Variants in PPP3CA observed in about 807,000 individuals in gnomAD.
PPP3CA encodes protein phosphatase 3 catalytic subunit alpha.
In PPP3CA, 14 loss-of-function variants were observed where a neutral mutation model predicts 66.5. The ratio of observed to expected loss-of-function variants is 0.21; its 90% CI spans 0.14 to 0.33. The LOEUF is 0.33. Among genes scored for constraint, PPP3CA ranks in the 10% least tolerant of loss-of-function variants. The pLI is 1.00. For synonymous variants in PPP3CA, 232 were observed against 226.2 expected (o/e 1.03, Z -0.23); for missense variants, 317 against 639.5 (o/e 0.50, Z 5.44).
chr4:101,141,134 C>A (rs1384346930), intron 2 of PPP3CA, among the ~76,000 whole-genome samples: 1 of 152,114 alleles, frequency 6.6e-6, no homozygotes, highest in Admixed American at 6.5e-5. Flanking sequence ...CCTTGGGAGG[C>A]CGAGGTGGGT....
chr4:101,323,856 C>T (rs1334001491), intron 1 of PPP3CA, among the ~76,000 whole-genome samples: 1 of 152,068 alleles, frequency 6.6e-6, no homozygotes, highest in Non-Finnish European at 1.5e-5. Context: ...GCTCATGCCT[C>T]CCAGCACTTT....
At chr4:101,176,711 C>A (rs1232294227) in intron 2 of PPP3CA, among the ~76,000 whole-genome samples, 1 of 152,036 alleles carries the variant, frequency 6.6e-6, no homozygotes, top group African/African-American at 2.4e-5. Flanking sequence ...TGAGAACAAT[C>A]AAGATAGAGA....
At chr4:101,062,945 C>T (rs1443458011) in intron 9 of PPP3CA, among the ~76,000 whole-genome samples, 1 of 151,594 alleles carries the variant, frequency 6.6e-6, no homozygotes, top group Non-Finnish European at 1.5e-5. Flanking sequence ...CCAGGTAAAC[C>T]TGTATTTCCA....
At position 101,342,393 on chromosome 4, in the gene PPP3CA, T is replaced by C. The variant is rs150724484; in HGVS notation, c.58+4346A>G. ...AATTTACTGAATGTTTTTACAACAA[T>C]GCACTTGTGTTATATTCACTTTATA... is the stretch of plus-strand genomic sequence containing the variant. On this transcript the variant is annotated intron_variant, in intron 1 of 13. Transcript: ENST00000394854. 7.4e-3 allele frequency among the ~76,000 whole-genome samples: 1,124 copies of C among 152,296 alleles called. 9 individuals are homozygous for C. Among genetic ancestry groups the C allele is most frequent in the Non-Finnish European group, 0.013 (866 of 68,008 alleles).
chr4:101,108,449 T>A (rs1721519192), intron 3 of PPP3CA, among the ~76,000 whole-genome samples: 1 of 152,196 alleles, frequency 6.6e-6, no homozygotes, highest in African/African-American at 2.4e-5. Flanking sequence ...CTATTTACCA[T>A]TTTTTGGCAT....
At chr4:101,266,506 T>TA (rs1337039379) in intron 1 of PPP3CA, among the ~76,000 whole-genome samples, 9 of 152,326 alleles carry the variant, frequency 5.9e-5, no homozygotes, top group African/African-American at 2.2e-4. Flanking sequence ...CTTTCTCATT[T>TA]AAAATCACAG....
At chr4:101,323,324 G>C (rs1729099723) in intron 1 of PPP3CA, among the ~76,000 whole-genome samples, 1 of 152,140 alleles carries the variant, frequency 6.6e-6, no homozygotes. Flanking sequence ...TAGGGCTTTG[G>C]GGAAGGCAAT....
At chr4:101,247,960 G>A (rs1168604536) in intron 1 of PPP3CA, among the ~76,000 whole-genome samples, 2 of 152,018 alleles carry the variant, frequency 1.3e-5, no homozygotes, top group Non-Finnish European at 2.9e-5. Context: ...ACATATATGA[G>A]AAAGAGAGAG....
chr4:101,258,467 G>C (rs560282397), intron 1 of PPP3CA, among the ~76,000 whole-genome samples: 7 of 152,168 alleles, frequency 4.6e-5, no homozygotes, highest in African/African-American at 1.7e-4. Context: ...ATCTCTCAAT[G>C]TTTTAGACAC....
At chr4:101,297,767 G>T (rs1402501802) in intron 1 of PPP3CA, among the ~76,000 whole-genome samples, 1 of 152,152 alleles carries the variant, frequency 6.6e-6, no homozygotes, top group Non-Finnish European at 1.5e-5. Context: ...GATTTGGCTT[G>T]CATTTAAACA....
rs1234130221 is a variant in PPP3CA, at chr4:101,040,364, GA to G, written c.1241+117del. On this transcript the variant is annotated intron_variant, in intron 11 of 13. Transcript: ENST00000394854. ...TTTTCCTCAATTTTTAATCTAAAAGGAAAAAAAGACAAATATTCTCTAGTAA... is the reference window on the plus strand; with the variant it reads ...TTTTCCTCAATTTTTAATCTAAAAGGAAAAAAGACAAATATTCTCTAGTAA... 15 of 722,916 alleles carry G rather than the reference GA, an allele frequency of 2.1e-5. No individual in the cohort carries two copies. In the South Asian group the frequency reaches 4.6e-4, roughly 22 times the overall value. 44.8% of individuals were successfully genotyped at this position (722,916 alleles called of 1,614,324 possible).
chr4:101,345,441 C>CATG (rs1729951229), intron 1 of PPP3CA, among the ~76,000 whole-genome samples: 1 of 152,140 alleles, frequency 6.6e-6, no homozygotes, highest in African/African-American at 2.4e-5. Flanking sequence ...CATGCTCTGG[C>CATG]CACATTAGAT....
At chr4:101,117,420 G>C (rs950749641) in intron 2 of PPP3CA, among the ~76,000 whole-genome samples, 3 of 137,250 alleles carry the variant, frequency 2.2e-5, no homozygotes, top group African/African-American at 8.2e-5. Context: ...TTGTCCTAAA[G>C]ATGAGTGTTC....
chr4:101,288,601 G>A (rs867054773), intron 1 of PPP3CA, among the ~76,000 whole-genome samples: 2 of 151,492 alleles, frequency 1.3e-5, no homozygotes, highest in Admixed American at 1.3e-4. Flanking sequence ...CGGGAAGGAG[G>A]GGAAGGAGGA....
chr4:101,308,051 C>T (rs1293370329), intron 1 of PPP3CA, among the ~76,000 whole-genome samples: 1 of 152,120 alleles, frequency 6.6e-6, no homozygotes, highest in Non-Finnish European at 1.5e-5. Context: ...CATTTTTTAG[C>T]CTTTTCATCT....
At chr4:101,049,216 G>A (rs1727903932) in intron 10 of PPP3CA, among the ~76,000 whole-genome samples, 1 of 152,110 alleles carries the variant, frequency 6.6e-6, no homozygotes, top group South Asian at 2.1e-4. Flanking sequence ...CTCCTTGGTT[G>A]AGTCGCAGAA....
At chr4:101,234,523 T>C (rs1447771614) in intron 1 of PPP3CA, among the ~76,000 whole-genome samples, 1 of 151,886 alleles carries the variant, frequency 6.6e-6, no homozygotes, top group Non-Finnish European at 1.5e-5. Context: ...GTTGGCTACA[T>C]GTATGTCTTC....
chr4:101,210,038 G>A (rs146003138), intron 1 of PPP3CA, among the ~76,000 whole-genome samples: 1 of 152,232 alleles, frequency 6.6e-6, no homozygotes, highest in Admixed American at 6.5e-5. Context: ...TTTATGTGTT[G>A]CACAAATTTC....
intron 2 of PPP3CA, among the ~76,000 whole-genome samples, chr4:101,176,296 A>G (rs1242019148): frequency 3.9e-5 from 6 of 152,212 alleles, no homozygotes; most frequent in African/African-American, 1.2e-4. Flanking sequence ...CAAACATTAA[A>G]TTTTAATACA....
Sources: gnomAD v4.1 joint callset for allele counts (sites outside exome capture counted in the v4.1 genomes callset) on GRCh38, gnomAD v4.1.1 for gene constraint, MANE v1.5 for transcripts, NCBI Gene and HGNC (gene_info 2026-07-23, HGNC 2026-07-21) for gene names.